Variants in UBR4 observed in about 807,000 individuals in gnomAD.
The protein encoded by UBR4 is E3 ubiquitin-protein ligase UBR4.
UBR4 carries 124 observed loss-of-function variants against 575.6 expected under a neutral mutation model. The ratio of observed to expected loss-of-function variants is 0.22; its 90% confidence interval spans 0.19 to 0.25. The LOEUF (loss-of-function observed/expected upper bound fraction) is 0.25. UBR4 is among the 10% of genes least tolerant of loss of function. The probability of loss-of-function intolerance (pLI) is 1.00; values close to 1 mark genes in which losing one functional copy is unlikely to be tolerated. For synonymous variants in UBR4, 2,455 were observed against 2,473.7 expected (o/e 0.99, Z 0.22); for missense variants, 4,818 against 6,478.8 (o/e 0.74, Z 8.80).
rs761456357 is a variant in UBR4 at position 19,106,929 on chromosome 1, T to C, written c.12143A>G (p.Tyr4048Cys). The C allele has an allele frequency of 6.2e-7, 1 of 1,612,744 alleles. No individual in the cohort carries two copies. Among genetic ancestry groups the C allele is most frequent in the Admixed American group, 1.7e-5 (1 of 60,012 alleles). Residue 4048 changes from tyrosine (Y) to cysteine (C), a missense_variant, in exon 82 of 106, where the codon TAC (tyrosine) becomes TGC (cysteine). Transcript: ENST00000375254. ...PVEALTTVKPYCNEIHAQAQL... is the reference protein window; with the variant it reads ...PVEALTTVKPCCNEIHAQAQL... ...AGCCTGGGCATGGATCTCATTGCAG[T>C]ATGGCTTCACCGTGGTGAGGGCCTC...
intron 83 of UBR4, among the ~76,000 whole-genome samples, chr1:19,106,344 G>A (rs1424217819): frequency 1.3e-5 from 2 of 152,162 alleles, no homozygotes; most frequent in Admixed American, 1.3e-4. Flanking sequence ...AAAGCACAAG[G>A]AGCGTGTTAA....
rs1285144757 is a variant in UBR4, at chr1:19,112,657, G to C, written c.11668C>G (p.Leu3890Val). The C allele has an allele frequency of 6.2e-7, 1 of 1,614,272 alleles. No individual in the cohort carries two copies. Among genetic ancestry groups the C allele is most frequent in the South Asian group, 1.1e-5 (1 of 91,090 alleles). The change falls in exon 78 of 106, where the codon CTG (leucine) becomes GTG (valine). Residue 3890 changes from leucine to valine, a missense_variant. Physicochemically the swap from Leu to Val is conservative, Grantham distance 32. Transcript: ENST00000375254. ...TEHCITLLRALATNPALRHIL... is the reference protein window; with the variant it reads ...TEHCITLLRAVATNPALRHIL... ...TGCCTCAAGGCTGGGTTGGTGGCCA[G>C]GGCCCGAAGTAGTGTGATACAATGT...
chr1:19,185,651 G>A (rs1339727291), intron 14 of UBR4, among the ~76,000 whole-genome samples: 1 of 147,282 alleles, frequency 6.8e-6, no homozygotes, highest in Non-Finnish European at 1.5e-5. Flanking sequence ...TTGGCTCGCC[G>A]CAACCTCCAC....
intron 49 of UBR4, among the ~76,000 whole-genome samples, chr1:19,149,081 G>A (rs930951359): frequency 6.6e-6 from 1 of 152,192 alleles, no homozygotes; most frequent in Non-Finnish European, 1.5e-5. Context: ...CATTTCCTAG[G>A]AGTCCCAAGT....
chr1:19,139,548 T>C lies in UBR4; in HGVS notation c.8594-328A>G, dbSNP rs1276033528. Among the ~76,000 whole-genome samples, 2 of 152,228 alleles carry C rather than the reference T, an allele frequency of 1.3e-5. No homozygotes were observed. Among genetic ancestry groups the C allele is most frequent in the African/African-American group, 2.4e-5 (1 of 41,452 alleles). On this transcript the variant is annotated intron_variant, in intron 58 of 105. Coordinates refer to ENST00000375254, the MANE Select transcript of UBR4 (RefSeq NM_020765.3). This position sits in a 1 kb window ranked among gnomAD's most constrained non-coding sequence, Gnocchi z 4.2. ...AGAGATTCAGTAAGAATCTGTGACA[T>C]GGACGCTGAGTTTTCTAGCTAAAAT...
chr1:19,144,809 A>G lies in UBR4; in HGVS notation c.8044T>C (p.Tyr2682His), dbSNP rs1163307400. 6.2e-7 allele frequency: 1 copy of G among 1,614,182 alleles called. No homozygotes were observed. The highest frequency in any genetic ancestry group is 1.7e-5 in the Admixed American group (1 of 60,020). Residue 2682 changes from tyrosine to histidine, a missense_variant, in exon 54 of 106, where the codon TAC (tyrosine) becomes CAC (histidine). Coordinates refer to ENST00000375254, the MANE Select transcript of UBR4 (RefSeq NM_020765.3). ...ACAGGACACAAGAGCATCTGCATGT[A>G]GATCTTGGATGCTGTGTTAATACAA... ...LDCINTASKI[Y>H]MQMLLCPDPA...
Position 19,153,298 on chromosome 1 carries a change from T to C in UBR4, c.6832+3A>G, listed in dbSNP as rs2085994751. On this transcript the variant is annotated splice_donor_region_variant and intron_variant, in intron 46 of 105. Coordinates refer to ENST00000375254, the MANE Select transcript of UBR4 (RefSeq NM_020765.3). The surrounding 1 kb of genome is among the most constrained non-coding windows in gnomAD (Gnocchi z 4.1). ...CCACAAGTCATCTGAGAAGGAGCCT[T>C]ACTGATTGTAGCTGTTTTGCGCTTT... is the stretch of plus-strand genomic sequence containing the variant. 1.9e-6 allele frequency: 3 copies of C among 1,614,016 alleles called. No homozygotes were observed. The highest frequency in any genetic ancestry group is 1.3e-5 in the African/African-American group (1 of 74,922).
chr1:19,111,531 C>T (rs2079872229), intron 78 of UBR4: 1 of 152,420 alleles, frequency 6.6e-6, no homozygotes, highest in Non-Finnish European at 1.5e-5. Flanking sequence ...TTGCCATGAC[C>T]TCATGATCAA....
Position 19,117,874 on chromosome 1 carries a change from G to A in UBR4, c.10578C>T (p.Tyr3526=). ...ACACCAGGCAGGGATCGCTCTCCAG[G>A]TAATAGCCATCAAACTCCACTAAGC... The part of the protein sequence containing the change: ...LSGLVEFDGY[Y]LESDPCLVCN... The change falls in exon 72 of 106, where the codon TAC becomes TAT. Residue 3526 remains tyrosine, a synonymous_variant. Transcript: ENST00000375254. This position sits in a 1 kb window ranked among gnomAD's most constrained non-coding sequence, Gnocchi z 4.0. 1 of 1,614,174 alleles carries A rather than the reference G, an allele frequency of 6.2e-7. No homozygotes were observed. Among genetic ancestry groups the A allele is most frequent in the African/African-American group, 1.3e-5 (1 of 75,044 alleles).
chr1:19,144,657 G>T, intron 54 of UBR4, 129 bp downstream of exon 54: 1 of 1,310,580 alleles, frequency 7.6e-7, no homozygotes, highest in Non-Finnish European at 1.0e-6. Flanking sequence ...AGCTTTTATT[G>T]ATATTTGAAA....
At position 19,184,051 on chromosome 1, in the gene UBR4, C is replaced by A. The variant is rs1431202437; in HGVS notation, c.2063G>T (p.Ser688Ile). 1 of 1,614,136 alleles carries A rather than the reference C, an allele frequency of 6.2e-7. No individual in the cohort carries two copies. Among genetic ancestry groups the A allele is most frequent in the Admixed American group, 1.7e-5 (1 of 60,022 alleles). ...ATCTTTGTCCACCTCCTTGATGATA[C>A]TGGCTAGGGTGGCCATATGGTGTTC... ...LSEHHMATLASIIKEVDKDGL... is the reference protein window; with the variant it reads ...LSEHHMATLAIIIKEVDKDGL... Residue 688 changes from serine (S) to isoleucine (I), a missense_variant, in exon 16 of 106, where the codon AGT becomes ATT. Physicochemically the swap from Ser to Ile is moderately radical, Grantham distance 142 (BLOSUM62 -2). Coordinates refer to ENST00000375254, the MANE Select transcript of UBR4 (RefSeq NM_020765.3).
chr1:19,086,065 G>A (rs994861477), intron 101 of UBR4, 80 bp downstream of exon 101: 17 of 1,544,346 alleles, frequency 1.1e-5, no homozygotes, highest in Non-Finnish European at 1.4e-5. Flanking sequence ...GGTGTCACCA[G>A]GGGATTGGGC....
At position 19,164,446 on chromosome 1, in the gene UBR4, G is replaced by A; in HGVS notation, c.4512-5C>T. 6.2e-7 allele frequency: 1 copy of A among 1,612,074 alleles called. No homozygotes were observed. The highest frequency in any genetic ancestry group is 8.5e-7 in the Non-Finnish European group (1 of 1,178,998). On this transcript the variant is annotated splice_polypyrimidine_tract_variant and splice_region_variant and intron_variant, in intron 32 of 105. Transcript: ENST00000375254. ...CACACACCTTCCCCAACTTGGCTAG[G>A]AGAAAAGAAAGAGCAAGTTGGTGAA...
At position 19,093,192 on chromosome 1, in the gene UBR4, T is replaced by G; in HGVS notation, c.14111+121A>C. ...TCACCCACATAGTTTCCAGAAGCGG[T>G]TGGGAGGCCCCAAGGAGGGCAAGGG... is the stretch of plus-strand genomic sequence containing the variant. On this transcript the variant is annotated intron_variant, in intron 96 of 105. Coordinates refer to ENST00000375254, the MANE Select transcript of UBR4 (RefSeq NM_020765.3). This position sits in a 1 kb window ranked among gnomAD's most constrained non-coding sequence, Gnocchi z 4.8. 1 of 1,313,308 alleles carries G rather than the reference T, an allele frequency of 7.6e-7. No individual in the cohort carries two copies. The allele number at this position is 1,313,308 out of a possible 1,614,324, so 81.4% of individuals were successfully genotyped here. A position where few individuals can be genotyped will look rare whatever the true frequency, so the allele number is the denominator to read the frequency against.
chr1:19,117,276 T>C lies in UBR4; in HGVS notation c.10768A>G (p.Ile3590Val). The change falls in exon 73 of 106, where the codon ATC becomes GTC. Residue 3590 changes from isoleucine (I) to valine (V), a missense_variant. Transcript: ENST00000375254. This position sits in a 1 kb window ranked among gnomAD's most constrained non-coding sequence, Gnocchi z 4.0. ...DLKRTKMVRT[I>V]NLYYNNRTVQ... is the part of the protein sequence containing the mutation. ...GTTCGGTTGTTATAATACAGGTTGA[T>C]GGTCCGCACCATCTTGGTCCGTTTC... 2 of 1,614,228 alleles carry C rather than the reference T, an allele frequency of 1.2e-6. No homozygotes were observed. The highest frequency in any genetic ancestry group is 1.7e-6 in the Non-Finnish European group (2 of 1,180,036).
chr1:19,084,168 T>C (rs1421535812), intron 102 of UBR4, among the ~76,000 whole-genome samples: 1 of 152,202 alleles, frequency 6.6e-6, no homozygotes, highest in African/African-American at 2.4e-5. Context: ...GTCTGGAAAG[T>C]AGAAGTAGCC....
At chr1:19,140,681 T>C in intron 58 of UBR4, 107 bp downstream of exon 58, 1 of 1,155,562 alleles carries the variant, frequency 8.7e-7, no homozygotes, top group Non-Finnish European at 1.2e-6. Context: ...AAGCAGGAAG[T>C]CCAGAATGGC....
intron 104 of UBR4, 151 bp from the exon 105 acceptor site, chr1:19,077,053 T>C (rs932726819): frequency 3.9e-6 from 3 of 761,826 alleles, no homozygotes; most frequent in Admixed American, 3.4e-5. Flanking sequence ...GCGTGCGTTT[T>C]GTCTCCAGGA....
chr1:19,145,728 G>A, intron 53 of UBR4, 65 bp downstream of exon 53: 1 of 1,562,666 alleles, frequency 6.4e-7, no homozygotes, highest in Non-Finnish European at 8.7e-7. Context: ...AACGGTCATA[G>A]CTGTTCAAAG....
Sources: gnomAD v4.1 joint callset for allele counts (sites outside exome capture counted in the v4.1 genomes callset) on GRCh38, gnomAD v4.1.1 for gene constraint, Gnocchi (gnomAD v3.1) non-coding constraint, MANE v1.5 for transcripts, NCBI Gene and HGNC (gene_info 2026-07-23, HGNC 2026-07-21) for gene names.